AKR1C8: variants seen among roughly 807,000 people sequenced by gnomAD.
AKR1C8 encodes aldo-keto reductase family 1 member C-like protein 1.
At chr10:5,174,990 T>C in the AKR1C8 span, among the ~76,000 whole-genome samples, 1 of 152,146 alleles carries the variant, frequency 6.6e-6, no homozygotes, top group African/African-American at 2.4e-5. Flanking sequence ...TATTATATTT[T>C]AAGTTTTAGG....
chr10:5,175,564 A>G, the AKR1C8 span, among the ~76,000 whole-genome samples: 1 of 152,178 alleles, frequency 6.6e-6, no homozygotes, highest in African/African-American at 2.4e-5. Flanking sequence ...GACTTCCACA[A>G]TGTTTGAACT....
chr10:5,167,200 T>C, the AKR1C8 span, among the ~76,000 whole-genome samples: 1 of 152,200 alleles, frequency 6.6e-6, no homozygotes, highest in African/African-American at 2.4e-5. Flanking sequence ...TGTAAACTAG[T>C]TCAACCCTTA....
At chr10:5,145,346 G>A in the AKR1C8 span, among the ~76,000 whole-genome samples, 1 of 152,090 alleles carries the variant, frequency 6.6e-6, no homozygotes, top group Non-Finnish European at 1.5e-5. Context: ...ATTGACAAAT[G>A]GGATCTAATT....
the AKR1C8 span, among the ~76,000 whole-genome samples, chr10:5,124,872 G>T: frequency 6.6e-5 from 10 of 151,962 alleles, no homozygotes; most frequent in African/African-American, 2.2e-4. Context: ...TGCCTACTGC[G>T]GTGTAATTTC....
chr10:5,145,616 A>G, the AKR1C8 span, among the ~76,000 whole-genome samples: 7 of 152,250 alleles, frequency 4.6e-5, no homozygotes, highest in Non-Finnish European at 8.8e-5. Context: ...ATCACTGGCC[A>G]TCAGAGAAAT....
At chr10:5,148,207 T>TATAGGAGATAGAGAGGAGGAGGAAC in the AKR1C8 span, among the ~76,000 whole-genome samples, 4 of 151,300 alleles carry the variant, frequency 2.6e-5, no homozygotes, top group South Asian at 2.1e-4. Flanking sequence ...TGCTCAGTAG[T>TATAGGAGATAGAGAGGAGGAGGAAC]ATAGGAGATA....
the AKR1C8 span, among the ~76,000 whole-genome samples, chr10:5,136,652 A>G: frequency 6.6e-6 from 1 of 152,230 alleles, no homozygotes; most frequent in Non-Finnish European, 1.5e-5. Flanking sequence ...TCATAAGTGT[A>G]CATTAAATGT....
the AKR1C8 span, among the ~76,000 whole-genome samples, chr10:5,133,339 T>A: frequency 0.39 from 59,482 of 151,926 alleles, 12,453 homozygotes; most frequent in Non-Finnish European, 0.43. Flanking sequence ...GGGATCCACC[T>A]GCCTCTGCCG....
At chr10:5,117,309 C>A in the AKR1C8 span, among the ~76,000 whole-genome samples, 5 of 151,984 alleles carry the variant, frequency 3.3e-5, no homozygotes, top group Admixed American at 1.3e-4. Context: ...ATAACAAGAC[C>A]TATTTGTACA....
At chr10:5,165,994 G>A in the AKR1C8 span, among the ~76,000 whole-genome samples, 2 of 152,092 alleles carry the variant, frequency 1.3e-5, no homozygotes, top group African/African-American at 2.4e-5. Flanking sequence ...CTGGGACCCA[G>A]AGGATGAGAG....
chr10:5,129,063 C>A, the AKR1C8 span, among the ~76,000 whole-genome samples: 2 of 151,928 alleles, frequency 1.3e-5, no homozygotes, highest in Non-Finnish European at 2.9e-5. Flanking sequence ...TGAGAAAATC[C>A]AAATTACATC....
At chr10:5,123,582 C>A in the AKR1C8 span, 2 of 842,766 alleles carry the variant, frequency 2.4e-6, no homozygotes, top group Non-Finnish European at 3.6e-6. Flanking sequence ...CACCTGGGAT[C>A]TCGTCAGAAA....
At chr10:5,153,511 C>G in the AKR1C8 span, among the ~76,000 whole-genome samples, 2 of 152,032 alleles carry the variant, frequency 1.3e-5, no homozygotes, top group African/African-American at 4.8e-5. Flanking sequence ...AAAGGAATAC[C>G]TAAGACTGGG....
chr10:5,174,253 C>A, the AKR1C8 span, among the ~76,000 whole-genome samples: 1 of 141,044 alleles, frequency 7.1e-6, no homozygotes, highest in Non-Finnish European at 1.6e-5. Flanking sequence ...TCTATAGAGT[C>A]ATATATATGT....
chr10:5,183,259 G>A, the AKR1C8 span, among the ~76,000 whole-genome samples: 4 of 152,000 alleles, frequency 2.6e-5, no homozygotes, highest in African/African-American at 9.7e-5. Flanking sequence ...AATCCTACCA[G>A]GTCATAGGAA....
At chr10:5,120,472 T>G in the AKR1C8 span, among the ~76,000 whole-genome samples, 1 of 152,178 alleles carries the variant, frequency 6.6e-6, no homozygotes, top group Non-Finnish European at 1.5e-5. Context: ...GTAGTATTAT[T>G]TGTTTTCCTT....
At chr10:5,145,434 C>T in the AKR1C8 span, among the ~76,000 whole-genome samples, 353 of 152,110 alleles carry the variant, frequency 2.3e-3, no homozygotes, top group Non-Finnish European at 3.3e-3. Flanking sequence ...AGAAAATTTT[C>T]GCAACCTACT....
chr10:5,149,867 GAA>G, the AKR1C8 span, among the ~76,000 whole-genome samples: 1 of 151,576 alleles, frequency 6.6e-6, no homozygotes. Flanking sequence ...TAGGCGAAGA[GAA>G]AAAATATTTT....
the AKR1C8 span, among the ~76,000 whole-genome samples, chr10:5,179,067 C>A: frequency 2.0e-5 from 3 of 152,102 alleles, no homozygotes; most frequent in Admixed American, 6.5e-5. Flanking sequence ...CAGTTTCTTC[C>A]TAGCCTCGAT....
Sources: gnomAD v4.1 joint callset for allele counts (sites outside exome capture counted in the v4.1 genomes callset) on GRCh38, gnomAD v4.1.1 for gene constraint, MANE v1.5 for transcripts, NCBI Gene and HGNC (gene_info 2026-07-23, HGNC 2026-07-21) for gene names.